The following SLC13A5 variants were observed in gnomAD, a reference collection of about 807,000 sequenced individuals.
The protein encoded by SLC13A5 is solute carrier family 13 member 5, also known as Na(+)/citrate cotransporter.
In SLC13A5, 25 loss-of-function variants were observed where a neutral mutation model predicts 56.5. The observed-to-expected ratio is 0.44, with a 90% CI of 0.32 to 0.62. The LOEUF (loss-of-function observed/expected upper bound fraction) is 0.62, where lower values mean the gene tolerates loss of function less well. Among genes scored for constraint, SLC13A5 ranks in the 20% least tolerant of loss-of-function variants. The pLI is 0.04. For missense variants in SLC13A5, 649 were observed against 737.8 expected, an observed-to-expected ratio of 0.88 and a Z score of 1.39; for synonymous variants, 307 against 301.5, an observed-to-expected ratio of 1.02 and a Z score of -0.19.
intron 5 of SLC13A5, among the ~76,000 whole-genome samples, chr17:6,702,430 G>T (rs918351992): frequency 6.6e-6 from 1 of 152,188 alleles, no homozygotes; most frequent in Non-Finnish European, 1.5e-5. Context: ...CTCACAAGGG[G>T]ACTATAACGA....
At chr17:6,691,250 G>T (rs992910798) in intron 9 of SLC13A5, among the ~76,000 whole-genome samples, 1 of 152,176 alleles carries the variant, frequency 6.6e-6, no homozygotes, top group African/African-American at 2.4e-5. Flanking sequence ...CCCAGAATCT[G>T]CTTCTCTCTC....
In SLC13A5 at chr17:6,692,123, A is replaced by ATAGATG. The variant is rs1973422455; in HGVS notation, c.1275+920_1275+921insCATCTA. On this transcript the variant is annotated intron_variant, in intron 9 of 11. Transcript: ENST00000433363. The surrounding 1 kb of genome is among the most constrained non-coding windows in gnomAD (Gnocchi z 5.5). The stretch of plus-strand genomic sequence containing the variant: ...AGGAATGTTGGATGGATGGATGGAT[A>ATAGATG]GATGGATGGATGGATGGATGGATGG... Among the ~76,000 whole-genome samples the ATAGATG allele has an allele frequency of 6.9e-6, 1 of 143,954 alleles. No individual in the cohort carries two copies. Among genetic ancestry groups the ATAGATG allele is most frequent in the Non-Finnish European group, 1.5e-5 (1 of 66,044 alleles). 94.4% of individuals were successfully genotyped at this position (143,954 alleles called of 152,430 possible).
chr17:6,692,165 ATAGATGGG>A lies in SLC13A5; in HGVS notation c.1275+871_1275+878del, dbSNP rs1973426240. ...GATGGATGGATGGATGGATGGATGG[ATAGATGGG>A]TGGATGGATGGATGGATAGATAGAT... On this transcript the variant is annotated intron_variant, in intron 9 of 11. Transcript: ENST00000433363. The surrounding 1 kb of genome is among the most constrained non-coding windows in gnomAD (Gnocchi z 5.5). 6.6e-6 allele frequency among the ~76,000 whole-genome samples: 1 copy of A among 151,228 alleles called. No individual in the cohort carries two copies. Among genetic ancestry groups the A allele is most frequent in the Admixed American group, 6.6e-5 (1 of 15,178 alleles).
intron 6 of SLC13A5, 106 bp from the exon 7 acceptor site, chr17:6,696,047 A>C: frequency 9.8e-7 from 1 of 1,017,142 alleles, no homozygotes; most frequent in Non-Finnish European, 1.5e-6. Flanking sequence ...AAAGACACAT[A>C]ATGCTGTCCT....
At chr17:6,708,101 T>C (rs1411824475) in intron 1 of SLC13A5, among the ~76,000 whole-genome samples, 1 of 151,982 alleles carries the variant, frequency 6.6e-6, no homozygotes, top group Non-Finnish European at 1.5e-5. Context: ...ACCTCCGGAG[T>C]TGGGATTGCA....
At chr17:6,695,542 A>G in intron 7 of SLC13A5, 184 bp downstream of exon 7, 1 of 564,878 alleles carries the variant, frequency 1.8e-6, no homozygotes, top group East Asian at 3.2e-5. Context: ...GGCATGTGCC[A>G]CCATGCCTCG....
chr17:6,689,624 G>C (rs534974758), intron 10 of SLC13A5: 1 of 152,320 alleles, frequency 6.6e-6, no homozygotes, highest in East Asian at 1.9e-4. Context: ...CTGGGCGTCT[G>C]TTTGGACAGT....
At position 6,711,643 on chromosome 17, in the gene SLC13A5, TTGTG is replaced by T. The variant is rs1007367466; in HGVS notation, c.102+1585_102+1588del. ...GTGTGTTTGTGTTTGTGCGTGTGTT[TTGTG>T]TGTGTCTGTGTGTTTGTGTGTGTGT... On this transcript the variant is annotated intron_variant, in intron 1 of 11. Transcript: ENST00000433363. This position sits in a 1 kb window ranked among gnomAD's most constrained non-coding sequence, Gnocchi z 4.0. Among the ~76,000 whole-genome samples, 1 of 150,688 alleles carries T rather than the reference TTGTG, an allele frequency of 6.6e-6. No homozygotes were observed.
chr17:6,711,528 GT>G lies in SLC13A5; in HGVS notation c.102+1703del, dbSNP rs1974026421. Reference sequence around the variant, plus strand: ...TGTGTATGTGTATGTGTGTGTTTGTGTTTTTTGTGTGTTTTGTGTGTGTGTT... The same window carrying G: ...TGTGTATGTGTATGTGTGTGTTTGTGTTTTTGTGTGTTTTGTGTGTGTGTT... On this transcript the variant is annotated intron_variant, in intron 1 of 11. Coordinates refer to ENST00000433363, the MANE Select transcript of SLC13A5 (RefSeq NM_177550.5). The surrounding 1 kb of genome is among the most constrained non-coding windows in gnomAD (Gnocchi z 4.0). 6.7e-6 allele frequency among the ~76,000 whole-genome samples: 1 copy of G among 150,266 alleles called. No homozygotes were observed. Among genetic ancestry groups the G allele is most frequent in the African/African-American group, 2.5e-5 (1 of 40,756 alleles).
chr17:6,694,877 C>A (rs1432616013), intron 7 of SLC13A5, among the ~76,000 whole-genome samples: 2 of 152,230 alleles, frequency 1.3e-5, no homozygotes, highest in African/African-American at 2.4e-5. Flanking sequence ...CATCTCCCTG[C>A]CCACATCTTC....
intron 5 of SLC13A5, among the ~76,000 whole-genome samples, chr17:6,702,061 C>T (rs1177629179): frequency 6.6e-6 from 1 of 152,158 alleles, no homozygotes; most frequent in African/African-American, 2.4e-5. Context: ...AAAACACTCC[C>T]GAAATTAAAA....
intron 10 of SLC13A5, chr17:6,689,366 C>T (rs1429576380): frequency 6.6e-6 from 1 of 152,262 alleles, no homozygotes; most frequent in Non-Finnish European, 1.5e-5. Flanking sequence ...ATGACCATCA[C>T]CTTTTCCTTT....
chr17:6,686,534 T>C (rs1973257014), intron 11 of SLC13A5, 196 bp from the exon 12 acceptor site: 1 of 610,506 alleles, frequency 1.6e-6, no homozygotes, highest in Non-Finnish European at 2.8e-6. Flanking sequence ...CCCTGGGAAG[T>C]AGGCAGAGTG....
chr17:6,713,078 C>T lies in SLC13A5; in HGVS notation c.102+154G>A, dbSNP rs1326238099. On this transcript the variant is annotated intron_variant, in intron 1 of 11. Coordinates refer to ENST00000433363, the MANE Select transcript of SLC13A5 (RefSeq NM_177550.5). This position sits in a 1 kb window ranked among gnomAD's most constrained non-coding sequence, Gnocchi z 7.3. The stretch of plus-strand genomic sequence containing the variant: ...CTCAGATTCTTTACAGGGCACCTCC[C>T]ATCCGGCACCTGGAGCTCCTGAGTG... 6.6e-6 allele frequency among the ~76,000 whole-genome samples: 1 copy of T among 152,214 alleles called. No homozygotes were observed. The highest frequency in any genetic ancestry group is 1.5e-5 in the Non-Finnish European group (1 of 68,026).
At position 6,694,128 on chromosome 17, in the gene SLC13A5, G is replaced by A. The variant is rs1483419923; in HGVS notation, c.1125C>T (p.Pro375=). ...TLLFIVPSQK[P]KFNFRSQTEE... ...CAGTCTGGCTGCGGAAGTTAAACTT[G>A]GGCTTCTGTGAAGGCACAATGAATA... The change falls in exon 8 of 12, where the codon CCC becomes CCT. Residue 375 remains proline, a synonymous_variant. Transcript: ENST00000433363. 6.2e-7 allele frequency: 1 copy of A among 1,613,378 alleles called. No individual in the cohort carries two copies. The highest frequency in any genetic ancestry group is 1.3e-5 in the African/African-American group (1 of 74,872).
In SLC13A5 at chr17:6,701,280, C is replaced by T. The variant is rs1388721963; in HGVS notation, c.717-154G>A. Among the ~76,000 whole-genome samples, 2 of 152,224 alleles carry T rather than the reference C, an allele frequency of 1.3e-5. No individual in the cohort carries two copies. The highest frequency in any genetic ancestry group is 2.4e-5 in the African/African-American group (1 of 41,460). ...TCTAGCCACCAAGTCCATTGCCAAG[C>T]ATTGTCCCCTAATCGAGTGGGAGCC... On this transcript the variant is annotated intron_variant, in intron 5 of 11. Transcript: ENST00000433363. This position sits in a 1 kb window ranked among gnomAD's most constrained non-coding sequence, Gnocchi z 4.1.
chr17:6,686,332 T>A lies in SLC13A5; in HGVS notation c.1582A>T (p.Thr528Ser). 6.2e-7 allele frequency: 1 copy of A among 1,613,972 alleles called. No homozygotes were observed. Among genetic ancestry groups the A allele is most frequent in the Non-Finnish European group, 8.5e-7 (1 of 1,179,958 alleles). ...GHLKVADMVKTGVIMNIIGVF... is the reference protein window; with the variant it reads ...GHLKVADMVKSGVIMNIIGVF... ...CCAATTATGTTCATTATGACTCCTG[T>A]TTTCACCTGGAAAAGAGACAGAGTC... The change falls in exon 12 of 12, where the codon ACA becomes TCA. Residue 528 changes from threonine to serine, a missense_variant. Coordinates refer to ENST00000433363, the MANE Select transcript of SLC13A5 (RefSeq NM_177550.5).
rs2150962015 is a variant in SLC13A5, at chr17:6,687,796, CT to C, written c.1438-131del. The C allele has an allele frequency of 1.7e-6, 2 of 1,161,690 alleles. No individual in the cohort carries two copies. The highest frequency in any genetic ancestry group is 2.3e-6 in the Non-Finnish European group (2 of 872,376). The allele number at this position is 1,161,690 out of a possible 1,614,324, so 72.0% of individuals were successfully genotyped here. On this transcript the variant is annotated intron_variant, in intron 10 of 11. Coordinates refer to ENST00000433363, the MANE Select transcript of SLC13A5 (RefSeq NM_177550.5). This position sits in a 1 kb window ranked among gnomAD's most constrained non-coding sequence, Gnocchi z 5.0. The stretch of plus-strand genomic sequence containing the variant: ...TGTGCCTCAGTCTTGGTTCCTCTCC[CT>C]TTTGCCACGTCTCTGGCAGATAATT...
chr17:6,704,351 G>A (rs1973808066), intron 3 of SLC13A5: 2 of 529,084 alleles, frequency 3.8e-6, no homozygotes, highest in African/African-American at 1.9e-5. Context: ...TGGTTCTAAG[G>A]AGCACCCCTG....
Sources: allele counts gnomAD v4.1 joint callset (sites outside exome capture counted in the v4.1 genomes callset), GRCh38; gene constraint gnomAD v4.1.1; non-coding constraint Gnocchi (gnomAD v3.1); transcripts MANE v1.5; gene names NCBI Gene and HGNC (gene_info 2026-07-23, HGNC 2026-07-21).